METTL24: variants seen among roughly 807,000 people sequenced by gnomAD.
METTL24 encodes the protein probable methyltransferase-like protein 24.
METTL24 carries 29 observed loss-of-function variants against 32.7 expected under a neutral mutation model. The observed-to-expected ratio is 0.89, with a 90% CI of 0.66 to 1.21. METTL24 has a LOEUF of 1.21. Ranked by LOEUF, METTL24 falls within the 50% of genes most tolerant of loss-of-function variation. The pLI is 0.00. For synonymous variants in METTL24, 163 were observed against 179.5 expected (o/e 0.91, Z 0.73); for missense variants, 439 against 468.1 (o/e 0.94, Z 0.57).
intron 1 of METTL24, among the ~76,000 whole-genome samples, chr6:110,333,365 G>C (rs1416330929): frequency 6.6e-6 from 1 of 152,156 alleles, no homozygotes; most frequent in Non-Finnish European, 1.5e-5. Flanking sequence ...TTCCTGCCTT[G>C]AAATTTTGTC....
chr6:110,251,067 AC>A (rs1778268971), intron 4 of METTL24, among the ~76,000 whole-genome samples: 1 of 152,216 alleles, frequency 6.6e-6, no homozygotes. Context: ...TCTGGGAGTC[AC>A]AAACGTCACT....
intron 1 of METTL24, among the ~76,000 whole-genome samples, chr6:110,351,665 T>C (rs1378504893): frequency 6.6e-6 from 1 of 152,226 alleles, no homozygotes; most frequent in East Asian, 1.9e-4. Flanking sequence ...TAACTTAAAG[T>C]TTCTCTTTTC....
At chr6:110,309,720 C>CCCATGATT (rs1771684207) in intron 3 of METTL24, among the ~76,000 whole-genome samples, 1 of 152,110 alleles carries the variant, frequency 6.6e-6, no homozygotes, top group African/African-American at 2.4e-5. Flanking sequence ...AAGACCTGCG[C>CCCATGATT]CCATGATTCA....
At chr6:110,288,396 A>G (rs961759172) in intron 4 of METTL24, among the ~76,000 whole-genome samples, 1 of 152,198 alleles carries the variant, frequency 6.6e-6, no homozygotes, top group Admixed American at 6.5e-5. Flanking sequence ...TATACATTAC[A>G]TTTGAGAAAT....
At chr6:110,250,318 C>T (rs1207004881) in intron 4 of METTL24, among the ~76,000 whole-genome samples, 2 of 151,888 alleles carry the variant, frequency 1.3e-5, no homozygotes, top group Non-Finnish European at 2.9e-5. Context: ...TTCCTTGGCT[C>T]CTGCATCACC....
chr6:110,311,331 T>C (rs1771717008), intron 3 of METTL24, among the ~76,000 whole-genome samples: 1 of 152,138 alleles, frequency 6.6e-6, no homozygotes, highest in Admixed American at 6.5e-5. Flanking sequence ...AAATATCTTC[T>C]TTAGTTTCAG....
At chr6:110,261,013 T>A (rs965046346) in intron 4 of METTL24, among the ~76,000 whole-genome samples, 14 of 152,078 alleles carry the variant, frequency 9.2e-5, no homozygotes, top group Non-Finnish European at 2.1e-4. Flanking sequence ...TGCAAAAACA[T>A]GCCAAATTGT....
At chr6:110,305,415 T>C (rs200918066) in intron 3 of METTL24, among the ~76,000 whole-genome samples, 3 of 151,966 alleles carry the variant, frequency 2.0e-5, no homozygotes, top group South Asian at 4.2e-4. Context: ...AAAAAAAATT[T>C]GCAATCTATC....
At position 110,299,050 on chromosome 6, in the gene METTL24, T is replaced by C. The variant is rs201386717; in HGVS notation, c.658A>G (p.Ser220Gly). 1 of 1,614,196 alleles carries C rather than the reference T, an allele frequency of 6.2e-7. No individual in the cohort carries two copies. Among genetic ancestry groups the C allele is most frequent in the Non-Finnish European group, 8.5e-7 (1 of 1,180,032 alleles). The change falls in exon 4 of 5, where the codon AGT becomes GGT. Residue 220 changes from serine (S) to glycine (G), a missense_variant. Coordinates refer to ENST00000338882, the MANE Select transcript of METTL24 (RefSeq NM_001123364.3). ...AAGCGGTGATACCAAAGGTGCTGAC[T>C]CTCCAGAATGTGAGCTGACTTGACA... is the stretch of plus-strand genomic sequence containing the variant. ...PSVKSAHILE[S>G]QHLWYHRLSI... is the part of the protein sequence containing the mutation.
At chr6:110,256,805 C>G (rs945871000) in intron 4 of METTL24, among the ~76,000 whole-genome samples, 2 of 152,338 alleles carry the variant, frequency 1.3e-5, no homozygotes, top group Middle Eastern at 3.4e-3. Flanking sequence ...GACACTTAGC[C>G]AAATGTAATT....
At chr6:110,262,869 C>G (rs1304237464) in intron 4 of METTL24, among the ~76,000 whole-genome samples, 2 of 152,116 alleles carry the variant, frequency 1.3e-5, no homozygotes, top group African/African-American at 4.8e-5. Flanking sequence ...CGACAAAAAC[C>G]ACATGATTAT....
intron 4 of METTL24, among the ~76,000 whole-genome samples, chr6:110,292,714 T>G (rs973675404): frequency 6.6e-6 from 1 of 152,080 alleles, no homozygotes; most frequent in African/African-American, 2.4e-5. Context: ...TCCAGAATTT[T>G]TTTTTAAATC....
At chr6:110,269,850 T>C (rs529298134) in intron 4 of METTL24, among the ~76,000 whole-genome samples, 30 of 152,218 alleles carry the variant, frequency 2.0e-4, no homozygotes, top group Middle Eastern at 3.4e-3. Flanking sequence ...GAAGAGCATA[T>C]AAAGGAAAAG....
chr6:110,340,949 A>G (rs1291541149), intron 1 of METTL24, among the ~76,000 whole-genome samples: 1 of 152,210 alleles, frequency 6.6e-6, no homozygotes, highest in East Asian at 1.9e-4. Context: ...AAAGACACAG[A>G]AAAGTAAATT....
chr6:110,307,753 CA>C (rs1562232846), intron 3 of METTL24, among the ~76,000 whole-genome samples: 1 of 152,158 alleles, frequency 6.6e-6, no homozygotes, highest in African/African-American at 2.4e-5. Flanking sequence ...TATTGAGGGA[CA>C]ATGAGTAGTT....
intron 4 of METTL24, among the ~76,000 whole-genome samples, chr6:110,275,323 C>T (rs969248736): frequency 3.3e-5 from 5 of 152,042 alleles, no homozygotes; most frequent in Non-Finnish European, 7.4e-5. Flanking sequence ...CATGTCCTTG[C>T]TCCCTCTACA....
At chr6:110,346,857 T>C (rs1020147314) in intron 1 of METTL24, among the ~76,000 whole-genome samples, 4 of 152,196 alleles carry the variant, frequency 2.6e-5, no homozygotes, top group African/African-American at 9.7e-5. Flanking sequence ...ATGATGGAGG[T>C]GAAATAGAAA....
chr6:110,357,394 C>T (rs979199958), intron 1 of METTL24: 2 of 152,202 alleles, frequency 1.3e-5, no homozygotes, highest in African/African-American at 4.8e-5. Flanking sequence ...CTCGGCTTCT[C>T]AACTGGCGCC....
chr6:110,273,269 G>A lies in METTL24; in HGVS notation c.786+25653C>T, dbSNP rs373471124. Among the ~76,000 whole-genome samples, 45 of 152,168 alleles carry A rather than the reference G, an allele frequency of 3.0e-4. No individual in the cohort carries two copies. In the South Asian group the frequency reaches 9.4e-3, roughly 32 times the overall value. Reference sequence around the variant, plus strand: ...TTGTTTGCTTTATTGAAGATCAGTTGGCTGTAAGTATTTGGCTTTATTTCT... The same window carrying A: ...TTGTTTGCTTTATTGAAGATCAGTTAGCTGTAAGTATTTGGCTTTATTTCT... On this transcript the variant is annotated intron_variant, in intron 4 of 4. Coordinates refer to ENST00000338882, the MANE Select transcript of METTL24 (RefSeq NM_001123364.3).
Sources: gnomAD v4.1 joint callset for allele counts (sites outside exome capture counted in the v4.1 genomes callset) on GRCh38, gnomAD v4.1.1 for gene constraint, MANE v1.5 for transcripts, NCBI Gene and HGNC (gene_info 2026-07-23, HGNC 2026-07-21) for gene names.